Variants in RB1 observed in about 807,000 individuals in gnomAD.
RB1 encodes the protein retinoblastoma-associated protein.
RB1 carries 18 observed loss-of-function variants against 135.4 expected under a neutral mutation model. That is an observed-to-expected ratio of 0.13 (90% CI 0.09 to 0.20). The LOEUF (loss-of-function observed/expected upper bound fraction) is 0.20. Among genes scored for constraint, RB1 ranks in the 10% least tolerant of loss-of-function variants. The pLI is 1.00. For missense variants in RB1, 868 were observed against 1,110.0 expected, an observed-to-expected ratio of 0.78 and a Z score of 3.10; for synonymous variants, 365 against 373.2, an observed-to-expected ratio of 0.98 and a Z score of 0.25.
At chr13:48,346,362 TTA>T (rs201617794) in intron 4 of RB1, among the ~76,000 whole-genome samples, 75 of 126,388 alleles carry the variant, frequency 5.9e-4, no homozygotes, top group Middle Eastern at 3.7e-3. Flanking sequence ...GAGTAGAATA[TTA>T]TATATATGTG....
chr13:48,320,204 C>T, intron 2 of RB1: 3 of 962,978 alleles, frequency 3.1e-6, no homozygotes, highest in Non-Finnish European at 1.6e-6. Flanking sequence ...GCAGGCAATG[C>T]GGGCTGCTCC....
intron 2 of RB1, among the ~76,000 whole-genome samples, chr13:48,329,662 T>C (rs1170941988): frequency 6.6e-6 from 1 of 152,188 alleles, no homozygotes; most frequent in Non-Finnish European, 1.5e-5. Flanking sequence ...CTTATTCCAA[T>C]GCCAACTCAT....
chr13:48,464,130 T>G (rs780610273), intron 21 of RB1, among the ~76,000 whole-genome samples: 2 of 152,168 alleles, frequency 1.3e-5, no homozygotes, highest in Non-Finnish European at 2.9e-5. Context: ...TCATAGAACA[T>G]TAGATATTCT....
chr13:48,339,340 C>T (rs557111869), intron 2 of RB1, among the ~76,000 whole-genome samples: 5 of 152,334 alleles, frequency 3.3e-5, no homozygotes, highest in Admixed American at 6.5e-5. Context: ...GCTTCCTGGC[C>T]GCTTTGTTTA....
In RB1 at chr13:48,471,853, A is replaced by G. The variant is rs1949472958; in HGVS notation, c.2490-1507A>G. On this transcript the variant is annotated intron_variant, in intron 23 of 26. Coordinates refer to ENST00000267163, the MANE Select transcript of RB1 (RefSeq NM_000321.3). The stretch of plus-strand genomic sequence containing the variant: ...TTATATTAAATGTAGATTACTGTCA[A>G]TTAAGTCTTTAGAGGTCCATCCCTA... 2.6e-5 allele frequency among the ~76,000 whole-genome samples: 4 copies of G among 152,158 alleles called. No homozygotes were observed. In the South Asian group the frequency reaches 8.3e-4, roughly 32 times the overall value.
rs1281546857 is a variant in RB1 at position 48,480,365 on chromosome 13, A to C, written c.*294A>C. The stretch of plus-strand genomic sequence containing the variant: ...ATTGCTGTGCTTTATGGATAGTAAG[A>C]ATGGCCCTAGAGTGGGAGTCCTGAT... On this transcript the variant is annotated 3_prime_UTR_variant, in exon 27 of 27. Coordinates refer to ENST00000267163, the MANE Select transcript of RB1 (RefSeq NM_000321.3). 6.4e-6 allele frequency: 3 copies of C among 467,520 alleles called. No homozygotes were observed. Among genetic ancestry groups the C allele is most frequent in the East Asian group, 7.3e-5 (2 of 27,344 alleles). 29.0% of individuals were successfully genotyped at this position (467,520 alleles called of 1,614,324 possible). A position where few individuals can be genotyped will look rare whatever the true frequency, so the allele number is the denominator to read the frequency against.
intron 9 of RB1, among the ~76,000 whole-genome samples, chr13:48,366,956 T>C (rs1015416910): frequency 2.0e-5 from 3 of 151,888 alleles, no homozygotes; most frequent in East Asian, 1.9e-4. Flanking sequence ...CCGTCTCTAC[T>C]AAAAATACAA....
intron 11 of RB1, among the ~76,000 whole-genome samples, chr13:48,371,289 A>G (rs951637054): frequency 2.6e-5 from 4 of 152,226 alleles, no homozygotes; most frequent in African/African-American, 9.6e-5. Flanking sequence ...AGAATAAGAA[A>G]AAGTGAGAAA....
intron 17 of RB1, chr13:48,411,320 C>T (rs1304152500): frequency 7.8e-7 from 1 of 1,290,302 alleles, no homozygotes; most frequent in East Asian, 2.3e-5. Context: ...AATAGTTTGT[C>T]CAAAAAGACA....
At chr13:48,431,411 A>G (rs1198415879) in intron 17 of RB1, among the ~76,000 whole-genome samples, 3 of 152,354 alleles carry the variant, frequency 2.0e-5, no homozygotes, top group African/African-American at 7.2e-5. Flanking sequence ...GACTTTAGGC[A>G]TTTATGCAGA....
At chr13:48,379,844 C>T in intron 14 of RB1, among the ~76,000 whole-genome samples, 194 bp downstream of exon 14, 1 of 151,068 alleles carries the variant, frequency 6.6e-6, no homozygotes, top group Non-Finnish European at 1.5e-5. Flanking sequence ...CCTGTAGTCC[C>T]AGCTACTTGG....
At chr13:48,336,590 G>C (rs1252208151) in intron 2 of RB1, among the ~76,000 whole-genome samples, 4 of 151,632 alleles carry the variant, frequency 2.6e-5, no homozygotes, top group Admixed American at 6.6e-5. Flanking sequence ...TTCTTTATTA[G>C]TCTTGCTAGT....
chr13:48,421,662 A>G (rs1949006757), intron 17 of RB1, among the ~76,000 whole-genome samples: 1 of 152,208 alleles, frequency 6.6e-6, no homozygotes. Flanking sequence ...AACTTAAACA[A>G]ATTTACAGGA....
chr13:48,360,252 G>T, intron 7 of RB1, 125 bp downstream of exon 7: 1 of 1,517,732 alleles, frequency 6.6e-7, no homozygotes. Context: ...CATGGACTTT[G>T]CCCATAAGTA....
intron 1 of RB1, among the ~76,000 whole-genome samples, chr13:48,305,190 C>T (rs1285466539): frequency 6.6e-6 from 1 of 152,136 alleles, no homozygotes; most frequent in East Asian, 1.9e-4. Flanking sequence ...TGTCTATCAC[C>T]AAATCCTTTC....
chr13:48,305,029 A>G lies in RB1; in HGVS notation c.137+980A>G, dbSNP rs540121616. Among the ~76,000 whole-genome samples the G allele has an allele frequency of 3.9e-5, 6 of 152,246 alleles. No individual in the cohort carries two copies. In the East Asian group the frequency reaches 1.2e-3, roughly 29 times the overall value. On this transcript the variant is annotated intron_variant, in intron 1 of 26. Coordinates refer to ENST00000267163, the MANE Select transcript of RB1 (RefSeq NM_000321.3). The stretch of plus-strand genomic sequence containing the variant: ...AGTATTTATTGTATTACAACATCTT[A>G]CTTTTCTTGATTTTTCTACTTTATG...
At chr13:48,478,045 T>C (rs1040924715) in intron 26 of RB1, among the ~76,000 whole-genome samples, 6 of 152,186 alleles carry the variant, frequency 3.9e-5, no homozygotes, top group African/African-American at 1.2e-4. Flanking sequence ...CTAACTACTA[T>C]TGGGTTGTCT....
chr13:48,447,008 TGGG>T (rs1949292596), intron 17 of RB1, among the ~76,000 whole-genome samples: 1 of 152,164 alleles, frequency 6.6e-6, no homozygotes. Flanking sequence ...GCTTTTGCAG[TGGG>T]ACAGAAAAGA....
intron 2 of RB1, among the ~76,000 whole-genome samples, chr13:48,339,675 C>T (rs963057167): frequency 5.3e-5 from 8 of 152,316 alleles, no homozygotes; most frequent in Middle Eastern, 6.8e-3. Flanking sequence ...GCTGCACTCA[C>T]TTTCCTGCAC....
Sources: allele counts gnomAD v4.1 joint callset (sites outside exome capture counted in the v4.1 genomes callset), GRCh38; gene constraint gnomAD v4.1.1; transcripts MANE v1.5; gene names NCBI Gene and HGNC (gene_info 2026-07-23, HGNC 2026-07-21).